SH3BGRL2: variants seen among roughly 807,000 people sequenced by gnomAD.
SH3BGRL2 encodes SH3 domain-binding glutamic acid-rich-like protein 2.
SH3BGRL2 carries 21 observed loss-of-function variants against 14.8 expected under a neutral mutation model. That is an observed-to-expected ratio of 1.42 (90% confidence interval 1.01 to 2.05). The LOEUF is 2.05. SH3BGRL2 is among the 30% of genes most tolerant of loss of function. The pLI is 0.00. For synonymous variants in SH3BGRL2, 50 were observed against 47.8 expected, an observed-to-expected ratio of 1.05 and a Z score of -0.19; for missense variants, 147 against 130.8, an observed-to-expected ratio of 1.12 and a Z score of -0.61.
rs150548777 is a variant in SH3BGRL2 at position 79,662,923 on chromosome 6, T to A, written c.46-10691T>A. Among the ~76,000 whole-genome samples, 1,296 of 152,338 alleles carry A rather than the reference T, an allele frequency of 8.5e-3. 9 individuals are homozygous for A. Among genetic ancestry groups the A allele is most frequent in the Non-Finnish European group, 0.013 (895 of 68,026 alleles). ...ATCTTCAATCACTGATATCCTTTCT[T>A]CCACTTGATCAAATCGGCTGTTGAA... On this transcript the variant is annotated intron_variant, in intron 1 of 3. Coordinates refer to ENST00000369838, the MANE Select transcript of SH3BGRL2 (RefSeq NM_031469.4).
the SH3BGRL2 span, among the ~76,000 whole-genome samples, chr6:79,551,609 G>C: frequency 6.6e-6 from 1 of 152,102 alleles, no homozygotes. Context: ...GGAGGGGTTG[G>C]GGTAGGAGCT....
At chr6:79,552,908 A>T in the SH3BGRL2 span, 1 of 152,122 alleles carries the variant, frequency 6.6e-6, no homozygotes, top group African/African-American at 2.4e-5. Context: ...GATGGTTCTC[A>T]TCATGCTAAA....
chr6:79,567,896 A>C, the SH3BGRL2 span, among the ~76,000 whole-genome samples: 1 of 152,220 alleles, frequency 6.6e-6, no homozygotes. Context: ...ACTCCAGTAA[A>C]GACACAGAAA....
intron 1 of SH3BGRL2, among the ~76,000 whole-genome samples, chr6:79,663,796 G>A (rs1769602285): frequency 6.6e-6 from 1 of 152,194 alleles, no homozygotes; most frequent in South Asian, 2.1e-4. Flanking sequence ...GAGGCTGTAG[G>A]CCCTGCTGAG....
At chr6:79,616,106 G>T in the SH3BGRL2 span, among the ~76,000 whole-genome samples, 2 of 151,884 alleles carry the variant, frequency 1.3e-5, no homozygotes, top group Admixed American at 6.6e-5. Flanking sequence ...ATGAGCCACC[G>T]CACCCGGCCT....
chr6:79,555,577 C>T, the SH3BGRL2 span, among the ~76,000 whole-genome samples: 1 of 152,204 alleles, frequency 6.6e-6, no homozygotes, highest in Admixed American at 6.5e-5. Flanking sequence ...GTAGCGTGAT[C>T]TCGGCTCACT....
At chr6:79,677,309 A>G (rs1292004773) in intron 2 of SH3BGRL2, among the ~76,000 whole-genome samples, 1 of 152,180 alleles carries the variant, frequency 6.6e-6, no homozygotes, top group Non-Finnish European at 1.5e-5. Flanking sequence ...TGGGTGAGCT[A>G]GGCATGTGAG....
chr6:79,538,814 C>T, the SH3BGRL2 span, among the ~76,000 whole-genome samples: 1 of 152,218 alleles, frequency 6.6e-6, no homozygotes, highest in Non-Finnish European at 1.5e-5. Context: ...AGTGTAATCT[C>T]ATTCCATCTT....
At chr6:79,564,945 T>C in the SH3BGRL2 span, among the ~76,000 whole-genome samples, 4 of 152,114 alleles carry the variant, frequency 2.6e-5, no homozygotes, top group Non-Finnish European at 4.4e-5. Context: ...ATTCTGAAAA[T>C]TCCCATTTAC....
At chr6:79,648,111 T>C (rs919937829) in intron 1 of SH3BGRL2, among the ~76,000 whole-genome samples, 4 of 151,150 alleles carry the variant, frequency 2.6e-5, no homozygotes, top group Non-Finnish European at 4.4e-5. Flanking sequence ...GATTAAATCT[T>C]GTGTGTTAGG....
At chr6:79,686,196 T>A (rs1770086373) in intron 2 of SH3BGRL2, among the ~76,000 whole-genome samples, 1 of 152,214 alleles carries the variant, frequency 6.6e-6, no homozygotes. Flanking sequence ...CTTGGAGCTT[T>A]GGAATTTCAT....
At chr6:79,595,316 A>G in the SH3BGRL2 span, among the ~76,000 whole-genome samples, 5 of 152,168 alleles carry the variant, frequency 3.3e-5, no homozygotes, top group Admixed American at 6.5e-5. Context: ...TCTGCTGTTC[A>G]TCGGGAGATG....
Position 79,631,424 on chromosome 6 carries a change from C to T in SH3BGRL2, c.-38C>T. The stretch of plus-strand genomic sequence containing the variant: ...CTCTGCGTCCACGCCAGCCCGGAGC[C>T]CGGGGGGCAAGGGGTCTGTCCCGGG... On this transcript the variant is annotated 5_prime_UTR_variant, in exon 1 of 4. Coordinates refer to ENST00000369838, the MANE Select transcript of SH3BGRL2 (RefSeq NM_031469.4). 2.0e-6 allele frequency: 3 copies of T among 1,504,692 alleles called. No individual in the cohort carries two copies. Among genetic ancestry groups the T allele is most frequent in the South Asian group, 2.6e-5 (2 of 76,682 alleles). The allele number at this position is 1,504,692 out of a possible 1,614,324, so 93.2% of individuals were successfully genotyped here.
intron 1 of SH3BGRL2, among the ~76,000 whole-genome samples, chr6:79,652,954 T>C (rs1487091264): frequency 6.6e-6 from 1 of 151,984 alleles, no homozygotes; most frequent in Admixed American, 6.6e-5. Flanking sequence ...GATAAATGTA[T>C]ATAATGCAAT....
intron 1 of SH3BGRL2, among the ~76,000 whole-genome samples, chr6:79,665,122 C>A (rs1449347919): frequency 6.6e-6 from 1 of 152,132 alleles, no homozygotes; most frequent in Non-Finnish European, 1.5e-5. Context: ...ATCGCTTGAA[C>A]CCAGGAGGAG....
the SH3BGRL2 span, among the ~76,000 whole-genome samples, chr6:79,579,485 G>A: frequency 6.6e-6 from 1 of 152,104 alleles, no homozygotes; most frequent in Non-Finnish European, 1.5e-5. Flanking sequence ...AGAGAGTGGG[G>A]GCCAATATTC....
intron 1 of SH3BGRL2, among the ~76,000 whole-genome samples, chr6:79,645,329 A>G (rs1769119429): frequency 6.6e-6 from 1 of 151,684 alleles, no homozygotes; most frequent in Non-Finnish European, 1.5e-5. Flanking sequence ...AAATATTTTA[A>G]ATACTGGGAG....
intron 2 of SH3BGRL2, among the ~76,000 whole-genome samples, chr6:79,692,200 G>T (rs1369622109): frequency 6.6e-6 from 1 of 152,114 alleles, no homozygotes; most frequent in African/African-American, 2.4e-5. Context: ...TTTTGATGGG[G>T]TTGTTTGTTT....
At chr6:79,571,227 G>A in the SH3BGRL2 span, among the ~76,000 whole-genome samples, 30 of 152,280 alleles carry the variant, frequency 2.0e-4, 1 homozygote, top group Admixed American at 1.0e-3. Context: ...CCTAACCTTA[G>A]CACATTCTCC....
Sources: allele counts gnomAD v4.1 joint callset (sites outside exome capture counted in the v4.1 genomes callset), GRCh38; gene constraint gnomAD v4.1.1; transcripts MANE v1.5; gene names NCBI Gene and HGNC (gene_info 2026-07-23, HGNC 2026-07-21).